The following POM121L2 variants were observed in gnomAD, a reference collection of about 807,000 sequenced individuals.
POM121L2 encodes POM121-like protein 2.
For missense variants in POM121L2, 1,167 were observed against 1,260.3 expected (o/e 0.93, Z 1.12); for synonymous variants, 459 against 483.8 (o/e 0.95, Z 0.67).
Position 27,309,253 on chromosome 6 carries a change from G to T in POM121L2, c.2918C>A (p.Thr973Asn). ...TGCCTTAGCTTGTCCAGGGACTGGGGTGTTTTGAGCAATGGGGGCCATAGT... is the reference window on the plus strand; with the variant it reads ...TGCCTTAGCTTGTCCAGGGACTGGGTTGTTTTGAGCAATGGGGGCCATAGT... ...RKTMAPIAQN[T>N]PVPGQAKAGS... Residue 973 changes from threonine (T) to asparagine (N), a missense_variant, in exon 1 of 1, where the codon ACC (threonine) becomes AAC (asparagine). Thr to Asn is a moderately conservative substitution (Grantham distance 65). Transcript: ENST00000444565. The T allele has an allele frequency of 1.3e-6, 2 of 1,551,854 alleles. No individual in the cohort carries two copies. The highest frequency in any genetic ancestry group is 8.7e-7 in the Non-Finnish European group (1 of 1,147,018).
rs1382562571 is a variant in POM121L2 at position 27,310,749 on chromosome 6, T to C, written c.1422A>G (p.Thr474=). Reference sequence around the variant, plus strand: ...GCCAGGTGGTGTCAGTAACTGGTAATGTGGGAGAGGTGGGGGTCAGCAGGA... The same window carrying C: ...GCCAGGTGGTGTCAGTAACTGGTAACGTGGGAGAGGTGGGGGTCAGCAGGA... ...TFILLTPTSP[T]LPVTDTTWPP... The change falls in exon 1 of 1, where the codon ACA becomes ACG. Residue 474 remains threonine, a synonymous_variant. Transcript: ENST00000444565. 6.4e-7 allele frequency: 1 copy of C among 1,551,714 alleles called. No homozygotes were observed. Among genetic ancestry groups the C allele is most frequent in the Admixed American group, 2.0e-5 (1 of 50,968 alleles).
rs1370349807 is a variant in POM121L2 at position 27,308,986 on chromosome 6, G to A, written c.*77C>T. 1.6e-5 allele frequency: 18 copies of A among 1,125,028 alleles called. No individual in the cohort carries two copies. Among genetic ancestry groups the A allele is most frequent in the Non-Finnish European group, 2.5e-6 (2 of 800,350 alleles). The allele number at this position is 1,125,028 out of a possible 1,614,324, so 69.7% of individuals were successfully genotyped here. ...TTAGATCTGGAGTATGTTTACTTTA[G>A]AAAATTGGAAGACACTGAGGTTTTT... On this transcript the variant is annotated 3_prime_UTR_variant, in exon 1 of 1. Coordinates refer to ENST00000444565, the MANE Select transcript of POM121L2 (RefSeq NM_033482.4).
At position 27,311,624 on chromosome 6, in the gene POM121L2, C is replaced by A. The variant is rs1176834833; in HGVS notation, c.547G>T (p.Asp183Tyr). ...GTCTCTGGACTCCTTCTCTTACTGT[C>A]CAGACTCTCAGGGAATAGTGGTTCT... Reference protein sequence around the residue: ...LEEPLFPESLDSKRRSPETRP... With the variant: ...LEEPLFPESLYSKRRSPETRP... Residue 183 changes from aspartate (D) to tyrosine (Y), a missense_variant, in exon 1 of 1, where the codon GAC becomes TAC. Transcript: ENST00000444565. The A allele has an allele frequency of 6.4e-7, 1 of 1,551,680 alleles. No homozygotes were observed. Among genetic ancestry groups the A allele is most frequent in the Non-Finnish European group, 8.7e-7 (1 of 1,147,026 alleles).
Position 27,310,702 on chromosome 6 carries a change from T to C in POM121L2, c.1469A>G (p.Asp490Gly). Residue 490 changes from aspartate (D) to glycine (G), a missense_variant, in exon 1 of 1, where the codon GAC (aspartate) becomes GGC (glycine). Transcript: ENST00000444565. ...TGGGTCTGGGGGCATGGGAGACCTGTCAGCCTGAGAGGTTGAAGGCGGCCA... is the reference window on the plus strand; with the variant it reads ...TGGGTCTGGGGGCATGGGAGACCTGCCAGCCTGAGAGGTTGAAGGCGGCCA... ...TTWPPSTSQA[D>G]RSPMPPDPPA... The C allele has an allele frequency of 6.4e-7, 1 of 1,551,880 alleles. No homozygotes were observed. Among genetic ancestry groups the C allele is most frequent in the Non-Finnish European group, 8.7e-7 (1 of 1,147,040 alleles).
chr6:27,310,415 G>T lies in POM121L2; in HGVS notation c.1756C>A (p.Pro586Thr). ...TFKPIFGSID[P>T]LKTTPMIAPF... ...GCTATCATGGGCGTAGTTTTAAGTG[G>T]ATCTATGCTGCCAAAGATAGGCTTG... The change falls in exon 1 of 1, where the codon CCA (proline) becomes ACA (threonine). Residue 586 changes from proline (P) to threonine (T), a missense_variant. Transcript: ENST00000444565. 1 of 1,552,192 alleles carries T rather than the reference G, an allele frequency of 6.4e-7. No individual in the cohort carries two copies.
At position 27,309,871 on chromosome 6, in the gene POM121L2, G is replaced by C. The variant is rs61736083; in HGVS notation, c.2300C>G (p.Ser767Cys). Residue 767 changes from serine (S) to cysteine (C), a missense_variant, in exon 1 of 1, where the codon TCC becomes TGC. By Grantham distance (112) the Ser-to-Cys change is moderately radical. Transcript: ENST00000444565. ...GSSSRPPFPLSQGANPQPAFG... is the reference protein window; with the variant it reads ...GSSSRPPFPLCQGANPQPAFG... Reference sequence around the variant, plus strand: ...TGCAGGCTGGGGATTAGCTCCTTGGGATAGTGGGAAAGGTGGCCTTGAGCT... The same window carrying C: ...TGCAGGCTGGGGATTAGCTCCTTGGCATAGTGGGAAAGGTGGCCTTGAGCT... 2.6e-6 allele frequency: 4 copies of C among 1,551,628 alleles called. No homozygotes were observed. The highest frequency in any genetic ancestry group is 3.5e-6 in the Non-Finnish European group (4 of 1,147,020).
chr6:27,308,970 G>C lies in POM121L2; in HGVS notation c.*93C>G, dbSNP rs1760704907. 1 of 920,772 alleles carries C rather than the reference G, an allele frequency of 1.1e-6. No homozygotes were observed. Among genetic ancestry groups the C allele is most frequent in the Non-Finnish European group, 1.6e-6 (1 of 615,546 alleles). 57.0% of individuals were successfully genotyped at this position (920,772 alleles called of 1,614,324 possible). On this transcript the variant is annotated 3_prime_UTR_variant, in exon 1 of 1. Transcript: ENST00000444565. ...ATCTAAAGCTCCAGTTTTAGATCTG[G>C]AGTATGTTTACTTTAGAAAATTGGA...
Position 27,311,730 on chromosome 6 carries a change from A to G in POM121L2, c.441T>C (p.Ser147=). ...TTGAACATGGATCTGCGAGCTCCTC[A>G]GAGGGCGGGAGTCCTGCAAGGGCAA... ...DVIALAGLPP[S]EELADPCSKE... Residue 147 remains serine, a synonymous_variant, in exon 1 of 1, where the codon TCT becomes TCC. Transcript: ENST00000444565. The G allele has an allele frequency of 6.4e-7, 1 of 1,551,850 alleles. No individual in the cohort carries two copies. Among genetic ancestry groups the G allele is most frequent in the African/African-American group, 1.4e-5 (1 of 73,176 alleles).
chr6:27,309,631 C>T lies in POM121L2; in HGVS notation c.2540G>A (p.Gly847Asp). 6.4e-7 allele frequency: 1 copy of T among 1,551,776 alleles called. No homozygotes were observed. Among genetic ancestry groups the T allele is most frequent in the South Asian group, 1.2e-5 (1 of 84,060 alleles). ...AAAACCTGCTGGAATGCCGCCAATG[C>T]CTGACCAGGTGCTGGCAGGGGTTTG... ...TSQTPASTWS[G>D]IGGIPAGFPI... Residue 847 changes from glycine to aspartate, a missense_variant, in exon 1 of 1, where the codon GGC (glycine) becomes GAC (aspartate). Transcript: ENST00000444565.
rs1380360900 is a variant in POM121L2, at chr6:27,311,056, G to A, written c.1115C>T (p.Thr372Ile). The change falls in exon 1 of 1, where the codon ACA (threonine) becomes ATA (isoleucine). Residue 372 changes from threonine (T) to isoleucine (I), a missense_variant. Physicochemically the swap from Thr to Ile is moderately conservative, Grantham distance 89 (BLOSUM62 -1). Transcript: ENST00000444565. ...AAGCCAAGTCTCAGGGAAAGGGTCTGTGTTGACCTCAGTTGTATCTTCTCC... is the reference window on the plus strand; with the variant it reads ...AAGCCAAGTCTCAGGGAAAGGGTCTATGTTGACCTCAGTTGTATCTTCTCC... ...NAGEDTTEVN[T>I]DPFPETWLAI... 2 of 1,551,964 alleles carry A rather than the reference G, an allele frequency of 1.3e-6. No homozygotes were observed. Among genetic ancestry groups the A allele is most frequent in the African/African-American group, 2.7e-5 (2 of 73,064 alleles).
Position 27,311,250 on chromosome 6 carries a change from G to T in POM121L2, c.921C>A (p.Ser307=), listed in dbSNP as rs1011616509. The change falls in exon 1 of 1, where the codon TCC becomes TCA. Residue 307 remains serine (S), a synonymous_variant. Coordinates refer to ENST00000444565, the MANE Select transcript of POM121L2 (RefSeq NM_033482.4). Reference sequence around the variant, plus strand: ...GCCCAGAACTTTCAGATCCTCCTAGGGACTCAAAATCTGATACCAGTGGGA... The same window carrying T: ...GCCCAGAACTTTCAGATCCTCCTAGTGACTCAAAATCTGATACCAGTGGGA... ...SPVPLVSDFE[S]LGGSESSGQQ... 7.1e-6 allele frequency: 11 copies of T among 1,551,712 alleles called. No homozygotes were observed. The African/African-American group carries it at 1.2e-4, about 17-fold the overall frequency.
Position 27,310,939 on chromosome 6 carries a change from A to G in POM121L2, c.1232T>C (p.Met411Thr). The change falls in exon 1 of 1, where the codon ATG becomes ACG. Residue 411 changes from methionine (M) to threonine (T), a missense_variant. Physicochemically the swap from Met to Thr is moderately conservative, Grantham distance 81. Coordinates refer to ENST00000444565, the MANE Select transcript of POM121L2 (RefSeq NM_033482.4). The stretch of plus-strand genomic sequence containing the variant: ...GGCCAGTGGACCTAGAGACTTCTGC[A>G]TTTTTCTTAAGTTTTCCAACTGAGG... ...ANPQLENLRK[M>T]QKSLGPLASP... The G allele has an allele frequency of 6.4e-7, 1 of 1,551,914 alleles. No individual in the cohort carries two copies. The highest frequency in any genetic ancestry group is 8.7e-7 in the Non-Finnish European group (1 of 1,147,028).
chr6:27,309,953 C>T lies in POM121L2; in HGVS notation c.2218G>A (p.Ala740Thr), dbSNP rs765405077. Residue 740 changes from alanine to threonine, a missense_variant, in exon 1 of 1, where the codon GCA becomes ACA. Coordinates refer to ENST00000444565, the MANE Select transcript of POM121L2 (RefSeq NM_033482.4). ...ASALVSTNWLASTPSISNLTP... is the reference protein window; with the variant it reads ...ASALVSTNWLTSTPSISNLTP... ...AGGTTGGAGATGCTGGGGGTTGATG[C>T]AAGCCAGTTTGTGGATACTAGGGCA... 5.8e-6 allele frequency: 9 copies of T among 1,551,698 alleles called. No individual in the cohort carries two copies. In the South Asian group the frequency reaches 8.3e-5, roughly 14 times the overall value.
Position 27,309,271 on chromosome 6 carries a change from G to A in POM121L2, c.2900C>T (p.Ala967Val). 6.4e-7 allele frequency: 1 copy of A among 1,551,696 alleles called. No individual in the cohort carries two copies. The stretch of plus-strand genomic sequence containing the variant: ...GACTGGGGTGTTTTGAGCAATGGGG[G>A]CCATAGTCTTTCTTGCAGAAATGCT... Reference protein sequence around the residue: ...RGSISARKTMAPIAQNTPVPG... With the variant: ...RGSISARKTMVPIAQNTPVPG... Residue 967 changes from alanine to valine, a missense_variant, in exon 1 of 1, where the codon GCC becomes GTC. Coordinates refer to ENST00000444565, the MANE Select transcript of POM121L2 (RefSeq NM_033482.4).
rs768085841 is a variant in POM121L2 at position 27,309,801 on chromosome 6, G to T, written c.2370C>A (p.Ala790=). The change falls in exon 1 of 1, where the codon GCC becomes GCA. Residue 790 remains alanine (A), a synonymous_variant. Transcript: ENST00000444565. The part of the protein sequence containing the change: ...NGQKQGPSQP[A]LMPSVSSSFL... ...AAGAACTACTGACACTTGGCATAAGGGCTGGCTGGGAAGGCCCTTGTTTCT... is the reference window on the plus strand; with the variant it reads ...AAGAACTACTGACACTTGGCATAAGTGCTGGCTGGGAAGGCCCTTGTTTCT... 1.3e-6 allele frequency: 2 copies of T among 1,551,764 alleles called. No individual in the cohort carries two copies. The highest frequency in any genetic ancestry group is 2.4e-5 in the South Asian group (2 of 84,062).
Position 27,309,634 on chromosome 6 carries a change from G to A in POM121L2, c.2537C>T (p.Ser846Leu), listed in dbSNP as rs1204552283. ...STSQTPASTWSGIGGIPAGFP... is the reference protein window; with the variant it reads ...STSQTPASTWLGIGGIPAGFP... The stretch of plus-strand genomic sequence containing the variant: ...ACCTGCTGGAATGCCGCCAATGCCT[G>A]ACCAGGTGCTGGCAGGGGTTTGAGA... Residue 846 changes from serine (S) to leucine (L), a missense_variant, in exon 1 of 1, where the codon TCA (serine) becomes TTA (leucine). Ser to Leu is a moderately radical substitution (Grantham distance 145). Coordinates refer to ENST00000444565, the MANE Select transcript of POM121L2 (RefSeq NM_033482.4). 6.4e-7 allele frequency: 1 copy of A among 1,551,654 alleles called. No homozygotes were observed. Among genetic ancestry groups the A allele is most frequent in the East Asian group, 2.4e-5 (1 of 40,930 alleles).
At position 27,310,899 on chromosome 6, in the gene POM121L2, C is replaced by T. The variant is rs768663853; in HGVS notation, c.1272G>A (p.Thr424=). Residue 424 remains threonine (T), a synonymous_variant, in exon 1 of 1, where the codon ACG becomes ACA. Coordinates refer to ENST00000444565, the MANE Select transcript of POM121L2 (RefSeq NM_033482.4). The part of the protein sequence containing the change: ...SLGPLASPQS[T]GEATSVAHSP... Reference sequence around the variant, plus strand: ...AATGGGCCACACTGGTTGCCTCTCCCGTGGACTGTGGAGAGGCCAGTGGAC... The same window carrying T: ...AATGGGCCACACTGGTTGCCTCTCCTGTGGACTGTGGAGAGGCCAGTGGAC... The T allele has an allele frequency of 1.2e-5, 18 of 1,551,604 alleles. No individual in the cohort carries two copies. The East Asian group carries it at 1.5e-4, about 13-fold the overall frequency.
Position 27,309,164 on chromosome 6 carries a change from A to C in POM121L2, c.3007T>G (p.Phe1003Val). The C allele has an allele frequency of 6.4e-7, 1 of 1,551,772 alleles. No individual in the cohort carries two copies. The highest frequency in any genetic ancestry group is 8.7e-7 in the Non-Finnish European group (1 of 1,147,004). ...GAAAATGAAGAGGCTGATGATCTAA[A>C]AGGTCCTCTCCCAACAGAGCCCTGG... Reference protein sequence around the residue: ...PAQGSVGRGPFRSSASSFSIG... With the variant: ...PAQGSVGRGPVRSSASSFSIG... Residue 1003 changes from phenylalanine to valine, a missense_variant, in exon 1 of 1, where the codon TTT becomes GTT. By Grantham distance (50) the Phe-to-Val change is conservative (BLOSUM62 -1). Coordinates refer to ENST00000444565, the MANE Select transcript of POM121L2 (RefSeq NM_033482.4).
chr6:27,310,528 C>T lies in POM121L2; in HGVS notation c.1643G>A (p.Ser548Asn), dbSNP rs912828143. Residue 548 changes from serine to asparagine, a missense_variant, in exon 1 of 1, where the codon AGC (serine) becomes AAC (asparagine). Transcript: ENST00000444565. ...LGPLHNSEIG[S>N]SSYSRISVTA... ...GACTGAAATTCTGGAATATGAGGAG[C>T]TTCCAATCTCGCTGTTGTGCAGGGG... is the stretch of plus-strand genomic sequence containing the variant. 1.9e-6 allele frequency: 3 copies of T among 1,552,228 alleles called. No homozygotes were observed. The highest frequency in any genetic ancestry group is 1.7e-4 in the Middle Eastern group (1 of 5,994).
Sources: gnomAD v4.1 joint callset for allele counts on GRCh38, gnomAD v4.1.1 for gene constraint, MANE v1.5 for transcripts, NCBI Gene and HGNC (gene_info 2026-07-23, HGNC 2026-07-21) for gene names.